Variants in ADCK1 observed in about 807,000 individuals in gnomAD.
ADCK1 encodes aarF domain-containing protein kinase 1.
In ADCK1, 41 loss-of-function variants were observed where a neutral mutation model predicts 52.3. That is an observed-to-expected ratio of 0.78 (90% CI 0.61 to 1.02). The LOEUF is 1.02. Ranked by LOEUF, ADCK1 falls within the 50% of genes least tolerant of loss-of-function variation. ADCK1 has a pLI of 0.00. For synonymous variants in ADCK1, 250 were observed against 274.6 expected, an observed-to-expected ratio of 0.91 and a Z score of 0.89; for missense variants, 658 against 679.5, an observed-to-expected ratio of 0.97 and a Z score of 0.35.
At position 77,923,806 on chromosome 14, in the gene ADCK1, A is replaced by T. The variant is rs1185160141; in HGVS notation, c.859-651A>T. The T allele has an allele frequency of 6.6e-6, 1 of 152,232 alleles. No homozygotes were observed. Among genetic ancestry groups the T allele is most frequent in the African/African-American group, 2.4e-5 (1 of 41,424 alleles). 9.4% of individuals were successfully genotyped at this position (152,232 alleles called of 1,614,324 possible). On this transcript the variant is annotated intron_variant, in intron 7 of 10. Coordinates refer to ENST00000238561, the MANE Select transcript of ADCK1 (RefSeq NM_020421.4). The surrounding 1 kb of genome is among the most constrained non-coding windows in gnomAD (Gnocchi z 4.3). ...GAGCAGCAGTGACAGGATGATTTAA[A>T]CGGCTTCTCTAGTGTCATTTCTTCT...
intron 1 of ADCK1, among the ~76,000 whole-genome samples, chr14:77,809,124 C>T (rs970533944): frequency 5.9e-5 from 9 of 151,854 alleles, no homozygotes; most frequent in Admixed American, 4.6e-4. Context: ...TTTGGTGGGC[C>T]TTGAGTGTCT....
intron 1 of ADCK1, among the ~76,000 whole-genome samples, chr14:77,803,317 A>G (rs1246954620): frequency 1.3e-5 from 2 of 152,140 alleles, no homozygotes; most frequent in African/African-American, 2.4e-5. Context: ...CTCTGTGGTA[A>G]TTCTCATTTG....
At chr14:77,801,776 C>T (rs777551959) in intron 1 of ADCK1, among the ~76,000 whole-genome samples, 6 of 152,036 alleles carry the variant, frequency 3.9e-5, no homozygotes, top group African/African-American at 7.2e-5. Flanking sequence ...CCCATCTCTA[C>T]CAAAAATACA....
chr14:77,810,562 G>T (rs1242191071), intron 1 of ADCK1, among the ~76,000 whole-genome samples: 2 of 143,360 alleles, frequency 1.4e-5, no homozygotes, highest in Non-Finnish European at 3.0e-5. Context: ...ACGGAGTCTC[G>T]CTCTGTCTCC....
At chr14:77,816,885 T>A (rs2081464528) in intron 1 of ADCK1, among the ~76,000 whole-genome samples, 1 of 142,674 alleles carries the variant, frequency 7.0e-6, no homozygotes, top group African/African-American at 2.5e-5. Context: ...ATGGTAAATA[T>A]ATATATATAT....
At chr14:77,928,833 A>T (rs1261686303) in intron 9 of ADCK1, among the ~76,000 whole-genome samples, 1 of 152,194 alleles carries the variant, frequency 6.6e-6, no homozygotes, top group Non-Finnish European at 1.5e-5. Context: ...TGTCTCTTCC[A>T]GAAAGCCTGT....
chr14:77,858,111 A>G (rs373034780), intron 3 of ADCK1, among the ~76,000 whole-genome samples: 1 of 152,158 alleles, frequency 6.6e-6, no homozygotes, highest in Non-Finnish European at 1.5e-5. Context: ...TGCCTTCTCC[A>G]TGTGCCTCAT....
At chr14:77,909,851 T>C (rs1214968282) in intron 7 of ADCK1, among the ~76,000 whole-genome samples, 1 of 152,184 alleles carries the variant, frequency 6.6e-6, no homozygotes, top group African/African-American at 2.4e-5. Context: ...TTCTCCATAA[T>C]AAACTTATGA....
At chr14:77,875,631 A>C (rs1005136899) in intron 4 of ADCK1, among the ~76,000 whole-genome samples, 16 of 152,158 alleles carry the variant, frequency 1.1e-4, no homozygotes, top group African/African-American at 3.4e-4. Context: ...CGAAGTCCTC[A>C]TAGTGATGAG....
chr14:77,922,494 G>C (rs2084085066), intron 7 of ADCK1, among the ~76,000 whole-genome samples: 1 of 152,228 alleles, frequency 6.6e-6, no homozygotes, highest in Non-Finnish European at 1.5e-5. Flanking sequence ...GCGCTTATGA[G>C]AGTCACCAGG....
intron 3 of ADCK1, among the ~76,000 whole-genome samples, chr14:77,850,974 T>A (rs1415505148): frequency 1.3e-5 from 2 of 151,856 alleles, no homozygotes; most frequent in Non-Finnish European, 2.9e-5. Context: ...TTTTTTTTTA[T>A]CCTTCTATTG....
At chr14:77,928,649 A>T (rs561271418) in intron 9 of ADCK1, among the ~76,000 whole-genome samples, 1 of 152,028 alleles carries the variant, frequency 6.6e-6, no homozygotes, top group Non-Finnish European at 1.5e-5. Context: ...TTTAGTAGAG[A>T]TGGGGTTTCG....
At chr14:77,897,445 C>G (rs2083435712) in intron 5 of ADCK1, among the ~76,000 whole-genome samples, 1 of 152,206 alleles carries the variant, frequency 6.6e-6, no homozygotes, top group Non-Finnish European at 1.5e-5. Context: ...GATTGTGTCT[C>G]TGCTCATGGC....
At chr14:77,898,611 G>C (rs1263713910) in intron 5 of ADCK1, among the ~76,000 whole-genome samples, 2 of 151,444 alleles carry the variant, frequency 1.3e-5, no homozygotes, top group African/African-American at 4.8e-5. Flanking sequence ...TGGACACAGG[G>C]AGGGGAACAA....
chr14:77,800,470 G>C, intron 1 of ADCK1, among the ~76,000 whole-genome samples: 1 of 152,292 alleles, frequency 6.6e-6, no homozygotes, highest in Admixed American at 6.5e-5. Flanking sequence ...GCACAGTCTT[G>C]CAGGCACCCG....
chr14:77,892,325 G>A (rs184132650), intron 5 of ADCK1, among the ~76,000 whole-genome samples: 249 of 152,272 alleles, frequency 1.6e-3, no homozygotes, highest in African/African-American at 5.8e-3. Flanking sequence ...AGAGCAAGGG[G>A]GTGGTGACTA....
intron 6 of ADCK1, among the ~76,000 whole-genome samples, chr14:77,904,119 C>T (rs560348059): frequency 3.3e-5 from 5 of 152,212 alleles, no homozygotes; most frequent in African/African-American, 9.6e-5. Context: ...TCCAGTGAAC[C>T]GTCTAGAGCA....
intron 7 of ADCK1, among the ~76,000 whole-genome samples, chr14:77,921,342 A>AAAAAAAAAAAAAAAAAAAAAAAAAAAAT: frequency 6.7e-6 from 1 of 149,356 alleles, no homozygotes; most frequent in Non-Finnish European, 1.5e-5. Context: ...AAAAAAAAAA[A>AAAAAAAAAAAAAAAAAAAAAAAAAAAAT]AAAAAAGAAA....
chr14:77,831,170 G>A (rs1336179852), intron 3 of ADCK1, among the ~76,000 whole-genome samples: 1 of 152,202 alleles, frequency 6.6e-6, no homozygotes, highest in Admixed American at 6.5e-5. Context: ...GGAGGAAGGA[G>A]CTGAAAATCA....
Sources: gnomAD v4.1 joint callset for allele counts (sites outside exome capture counted in the v4.1 genomes callset) on GRCh38, gnomAD v4.1.1 for gene constraint, Gnocchi (gnomAD v3.1) non-coding constraint, MANE v1.5 for transcripts, NCBI Gene and HGNC (gene_info 2026-07-23, HGNC 2026-07-21) for gene names.